EEA1: variants seen among roughly 807,000 people sequenced by gnomAD.
EEA1 encodes the protein early endosome antigen 1, 162kD.
Under a neutral mutation model 209.2 loss-of-function variants are expected in EEA1, and 111 were observed. That is an observed-to-expected ratio of 0.53 (90% confidence interval 0.45 to 0.62). EEA1 has a LOEUF of 0.62. Ranked by LOEUF, EEA1 falls within the 20% of genes least tolerant of loss-of-function variation. The probability of loss-of-function intolerance (pLI) is 0.00; values close to 1 mark genes in which losing one functional copy is unlikely to be tolerated. For missense variants in EEA1, 1,343 were observed against 1,530.8 expected (o/e 0.88, Z 2.05); for synonymous variants, 536 against 540.6 (o/e 0.99, Z 0.12).
At chr12:92,919,556 C>T (rs1381336098) in intron 1 of EEA1, among the ~76,000 whole-genome samples, 4 of 150,570 alleles carry the variant, frequency 2.7e-5, no homozygotes, top group Admixed American at 6.7e-5. Context: ...ACCCTTCATG[C>T]TAAAAACTCT....
At chr12:92,879,180 TGA>T in intron 2 of EEA1, 1 of 324,282 alleles carries the variant, frequency 3.1e-6, no homozygotes, top group Non-Finnish European at 5.9e-6. Flanking sequence ...CTGAAATGCT[TGA>T]GACACTTTTG....
intron 9 of EEA1, among the ~76,000 whole-genome samples, chr12:92,850,410 C>T (rs1877562493): frequency 6.6e-6 from 1 of 152,110 alleles, no homozygotes; most frequent in South Asian, 2.1e-4. Flanking sequence ...AAGCTTATGG[C>T]CGGGTGCAGT....
intron 13 of EEA1, 34 bp downstream of exon 13, chr12:92,826,132 T>C: frequency 7.5e-6 from 12 of 1,603,940 alleles, no homozygotes; most frequent in Non-Finnish European, 1.0e-5. Flanking sequence ...AATTAATTTG[T>C]GTTTACAAGG....
intron 21 of EEA1, among the ~76,000 whole-genome samples, chr12:92,793,655 T>A (rs563145987): frequency 6.6e-6 from 1 of 152,266 alleles, no homozygotes; most frequent in Non-Finnish European, 1.5e-5. Flanking sequence ...TGGAAGAATA[T>A]TCCATGCTCA....
At chr12:92,895,997 C>A (rs976524769) in intron 1 of EEA1, among the ~76,000 whole-genome samples, 1 of 149,054 alleles carries the variant, frequency 6.7e-6, no homozygotes, top group African/African-American at 2.5e-5. Context: ...TTTCTTGAGA[C>A]GGACTTTTGC....
Position 92,828,073 on chromosome 12 carries a change from G to GAA in EEA1, c.1255-14_1255-13dup. The GAA allele has an allele frequency of 2.0e-6, 3 of 1,525,374 alleles. No individual in the cohort carries two copies. The highest frequency in any genetic ancestry group is 1.7e-6 in the Non-Finnish European group (2 of 1,143,464). The allele number at this position is 1,525,374 out of a possible 1,614,324, so 94.5% of individuals were successfully genotyped here. A position where few individuals can be genotyped will look rare whatever the true frequency, so the allele number is the denominator to read the frequency against. Reference sequence around the variant, plus strand: ...AGTTTGCTATGTAACTTTAAAAAAAGAAAAAAAAATGTATGTACATATGTA... The same window carrying GAA: ...AGTTTGCTATGTAACTTTAAAAAAAGAAAAAAAAAAATGTATGTACATATGTA... On this transcript the variant is annotated splice_polypyrimidine_tract_variant and intron_variant, in intron 11 of 28. Coordinates refer to ENST00000322349, the MANE Select transcript of EEA1 (RefSeq NM_003566.4).
intron 22 of EEA1, among the ~76,000 whole-genome samples, chr12:92,783,560 T>C (rs10507019): frequency 0.019 from 2,830 of 152,294 alleles, 96 homozygotes; most frequent in African/African-American, 0.063. Context: ...CCTCTTCTCA[T>C]CTATATCGTA....
intron 2 of EEA1, among the ~76,000 whole-genome samples, chr12:92,877,054 G>A (rs956102653): frequency 3.3e-5 from 5 of 149,800 alleles, no homozygotes; most frequent in African/African-American, 7.3e-5. Context: ...AGAAATTCTC[G>A]TGCCTCAGCC....
chr12:92,828,837 G>C (rs1876458142), intron 11 of EEA1, among the ~76,000 whole-genome samples: 1 of 151,928 alleles, frequency 6.6e-6, no homozygotes, highest in Non-Finnish European at 1.5e-5. Flanking sequence ...CTTTCGAACT[G>C]CCACCTGTCA....
chr12:92,813,105 T>C lies in EEA1; in HGVS notation c.1930-12A>G, dbSNP rs1450525146. 6.8e-7 allele frequency: 1 copy of C among 1,475,214 alleles called. No individual in the cohort carries two copies. The highest frequency in any genetic ancestry group is 1.4e-5 in the African/African-American group (1 of 71,740). 91.4% of individuals were successfully genotyped at this position (1,475,214 alleles called of 1,614,324 possible). A position where few individuals can be genotyped will look rare whatever the true frequency, so the allele number is the denominator to read the frequency against. On this transcript the variant is annotated splice_polypyrimidine_tract_variant and intron_variant, in intron 15 of 28. Coordinates refer to ENST00000322349, the MANE Select transcript of EEA1 (RefSeq NM_003566.4). The stretch of plus-strand genomic sequence containing the variant: ...GTTTTGGCTTTAATCTGTAACAGCA[T>C]TTACAAATTATTTAATTTATATTTA...
intron 20 of EEA1, among the ~76,000 whole-genome samples, chr12:92,801,152 AAGTATACATT>A (rs982230696): frequency 1.3e-4 from 20 of 152,172 alleles, no homozygotes; most frequent in African/African-American, 4.8e-4. Flanking sequence ...AACCATTATC[AAGTATACATT>A]AGTATGTGTA....
rs1366349187 is a variant in EEA1, at chr12:92,772,815, T to A, written c.*3196A>T. ...AGTATCTACAGAACTTATGAATATATGATCCAGTTCAAGGAATTACAGAAT... is the reference window on the plus strand; with the variant it reads ...AGTATCTACAGAACTTATGAATATAAGATCCAGTTCAAGGAATTACAGAAT... On this transcript the variant is annotated 3_prime_UTR_variant, in exon 29 of 29. Coordinates refer to ENST00000322349, the MANE Select transcript of EEA1 (RefSeq NM_003566.4). The A allele has an allele frequency of 6.6e-6, 1 of 152,248 alleles. No individual in the cohort carries two copies. The highest frequency in any genetic ancestry group is 1.5e-5 in the Non-Finnish European group (1 of 67,758). 9.4% of individuals were successfully genotyped at this position (152,248 alleles called of 1,614,324 possible).
At chr12:92,925,802 G>A (rs1360434013) in intron 1 of EEA1, among the ~76,000 whole-genome samples, 1 of 152,152 alleles carries the variant, frequency 6.6e-6, no homozygotes, top group African/African-American at 2.4e-5. Context: ...AGGAGAACCA[G>A]AAACCAAATT....
At position 92,929,225 on chromosome 12, in the gene EEA1, TC is replaced by T; in HGVS notation, c.-160del. The T allele has an allele frequency of 2.0e-6, 1 of 498,454 alleles. No individual in the cohort carries two copies. The allele number at this position is 498,454 out of a possible 1,614,324, so 30.9% of individuals were successfully genotyped here. ...GACGGCCGCTCGGGCGGCCCCGACT[TC>T]CCCACAGGCGGCGAGAGGGAGCACG... On this transcript the variant is annotated 5_prime_UTR_variant, in exon 1 of 29. Coordinates refer to ENST00000322349, the MANE Select transcript of EEA1 (RefSeq NM_003566.4).
chr12:92,789,110 T>C (rs989573696), intron 21 of EEA1, among the ~76,000 whole-genome samples: 3 of 151,448 alleles, frequency 2.0e-5, no homozygotes, highest in African/African-American at 7.3e-5. Flanking sequence ...ACCAACATGG[T>C]GAAACCCCGC....
rs1265554008 is a variant in EEA1 at position 92,819,291 on chromosome 12, A to G, written c.1728+17T>C. On this transcript the variant is annotated intron_variant, in intron 14 of 28. Coordinates refer to ENST00000322349, the MANE Select transcript of EEA1 (RefSeq NM_003566.4). ...CAGAAGTAAATTTTACAAATATAAT[A>G]TATTTTACAAGCTTACTTGCTCCTG... The G allele has an allele frequency of 6.4e-7, 1 of 1,561,256 alleles. No homozygotes were observed. The highest frequency in any genetic ancestry group is 1.4e-5 in the African/African-American group (1 of 72,426).
In EEA1 at chr12:92,891,810, A is replaced by G. The variant is rs1592761547; in HGVS notation, c.25-89T>C. On this transcript the variant is annotated intron_variant, in intron 1 of 28. Coordinates refer to ENST00000322349, the MANE Select transcript of EEA1 (RefSeq NM_003566.4). ...CATTTAATAATCTAAACCTTTTCACATAAGAAAAGTAGATGTCTTTACAAT... is the reference window on the plus strand; with the variant it reads ...CATTTAATAATCTAAACCTTTTCACGTAAGAAAAGTAGATGTCTTTACAAT... The G allele has an allele frequency of 4.6e-6, 4 of 879,094 alleles. No individual in the cohort carries two copies. The East Asian group carries it at 7.3e-5, about 16-fold the overall frequency. 54.5% of individuals were successfully genotyped at this position (879,094 alleles called of 1,614,324 possible).
rs1386559390 is a variant in EEA1 at position 92,891,533 on chromosome 12, G to A, written c.117+96C>T. ...TCCAACTTTTACAAGAAAAACTTGT[G>A]AGAACTTTTCCTATACAAATCACCA... On this transcript the variant is annotated intron_variant, in intron 2 of 28. Transcript: ENST00000322349. 4 of 943,410 alleles carry A rather than the reference G, an allele frequency of 4.2e-6. No individual in the cohort carries two copies. In the Admixed American group the frequency reaches 1.0e-4, roughly 24 times the overall value. The allele number at this position is 943,410 out of a possible 1,614,324, so 58.4% of individuals were successfully genotyped here.
chr12:92,917,453 G>A (rs1261008515), intron 1 of EEA1, among the ~76,000 whole-genome samples: 1 of 150,368 alleles, frequency 6.7e-6, no homozygotes, highest in South Asian at 2.1e-4. Flanking sequence ...CATTCTTAAA[G>A]AAAAGAATTT....
Sources: allele counts gnomAD v4.1 joint callset (sites outside exome capture counted in the v4.1 genomes callset), GRCh38; gene constraint gnomAD v4.1.1; transcripts MANE v1.5; gene names NCBI Gene and HGNC (gene_info 2026-07-23, HGNC 2026-07-21).